EXOSC7: variants seen among roughly 807,000 people sequenced by gnomAD.
EXOSC7 encodes the protein exosome component 7, also known as exosome complex component RRP42.
Under a neutral mutation model 34.3 loss-of-function variants are expected in EXOSC7, and 25 were observed. The observed-to-expected ratio is 0.73, with a 90% CI of 0.53 to 1.02. The LOEUF is 1.02. Among genes scored for constraint, EXOSC7 ranks in the 50% least tolerant of loss-of-function variants. The probability of loss-of-function intolerance (pLI) is 0.00; values close to 1 mark genes in which losing one functional copy is unlikely to be tolerated. For missense variants in EXOSC7, 370 were observed against 368.5 expected (o/e 1.00, Z -0.03); for synonymous variants, 130 against 143.0 (o/e 0.91, Z 0.65).
At chr3:44,977,766 A>T (rs1706139429) in intron 1 of EXOSC7, among the ~76,000 whole-genome samples, 1 of 152,122 alleles carries the variant, frequency 6.6e-6, no homozygotes, top group African/African-American at 2.4e-5. Context: ...AAATTTAAAA[A>T]CCTTTGGTCT....
rs1452916606 is a variant in EXOSC7, at chr3:45,011,416, T to C, written c.*77T>C. On this transcript the variant is annotated 3_prime_UTR_variant, in exon 8 of 8. Coordinates refer to ENST00000265564, the MANE Select transcript of EXOSC7 (RefSeq NM_015004.4). Reference sequence around the variant, plus strand: ...CCGGTTCGTATATATTTTTCTTCGCTGTTACGAATTTACAGCAGCATTTGT... The same window carrying C: ...CCGGTTCGTATATATTTTTCTTCGCCGTTACGAATTTACAGCAGCATTTGT... 2 of 924,352 alleles carry C rather than the reference T, an allele frequency of 2.2e-6. No homozygotes were observed. Among genetic ancestry groups the C allele is most frequent in the African/African-American group, 3.4e-5 (2 of 59,188 alleles). 57.3% of individuals were successfully genotyped at this position (924,352 alleles called of 1,614,324 possible). A position where few individuals can be genotyped will look rare whatever the true frequency, so the allele number is the denominator to read the frequency against.
intron 4 of EXOSC7, among the ~76,000 whole-genome samples, chr3:45,000,043 C>G (rs1417544133): frequency 6.6e-6 from 1 of 152,170 alleles, no homozygotes; most frequent in Non-Finnish European, 1.5e-5. Flanking sequence ...CCACCTGTTT[C>G]CAGTATTGGT....
chr3:44,997,694 G>C (rs1412662388), intron 4 of EXOSC7, among the ~76,000 whole-genome samples: 1 of 152,208 alleles, frequency 6.6e-6, no homozygotes, highest in Non-Finnish European at 1.5e-5. Context: ...TATAAGTGAG[G>C]AAACTAAGAC....
chr3:44,994,495 G>A (rs973713399), intron 3 of EXOSC7, among the ~76,000 whole-genome samples: 5 of 151,964 alleles, frequency 3.3e-5, no homozygotes, highest in Non-Finnish European at 5.9e-5. Flanking sequence ...GACCCCTATA[G>A]CCATTTGGGT....
At chr3:45,009,143 C>T (rs1707135597) in intron 7 of EXOSC7, among the ~76,000 whole-genome samples, 1 of 152,216 alleles carries the variant, frequency 6.6e-6, no homozygotes, top group African/African-American at 2.4e-5. Flanking sequence ...ACCAGATCTG[C>T]CCTGGCTGTC....
At chr3:45,007,615 G>A (rs551002419) in intron 7 of EXOSC7, 40 bp downstream of exon 7, 9 of 1,539,008 alleles carry the variant, frequency 5.8e-6, no homozygotes, top group East Asian at 4.6e-5. Flanking sequence ...GGACCTGGCC[G>A]GGGTGCCTGC....
intron 1 of EXOSC7, among the ~76,000 whole-genome samples, chr3:44,985,057 C>A (rs145535371): frequency 6.6e-6 from 1 of 152,340 alleles, no homozygotes; most frequent in African/African-American, 2.4e-5. Flanking sequence ...CAAAGAACTT[C>A]TTGTCAATAA....
chr3:44,986,224 A>AGGGGGGGGGGGGGG (rs1706409978), intron 1 of EXOSC7, among the ~76,000 whole-genome samples: 1 of 115,740 alleles, frequency 8.6e-6, no homozygotes, highest in Non-Finnish European at 2.0e-5. Context: ...TGGGGGTGGG[A>AGGGGGGGGGGGGGG]GGGCGGGGAG....
chr3:44,984,482 G>A (rs2125962690), intron 1 of EXOSC7, among the ~76,000 whole-genome samples: 1 of 150,616 alleles, frequency 6.6e-6, no homozygotes, highest in South Asian at 2.1e-4. Context: ...AAAAAAAAAA[G>A]GAAGAAGCAG....
rs756859234 is a variant in EXOSC7 at position 45,011,421 on chromosome 3, C to T, written c.*82C>T. On this transcript the variant is annotated 3_prime_UTR_variant, in exon 8 of 8. Coordinates refer to ENST00000265564, the MANE Select transcript of EXOSC7 (RefSeq NM_015004.4). ...TCGTATATATTTTTCTTCGCTGTTA[C>T]GAATTTACAGCAGCATTTGTACATG... The T allele has an allele frequency of 2.0e-5, 17 of 854,492 alleles. No homozygotes were observed. Among genetic ancestry groups the T allele is most frequent in the Admixed American group, 1.6e-4 (7 of 43,234 alleles). 52.9% of individuals were successfully genotyped at this position (854,492 alleles called of 1,614,324 possible).
intron 1 of EXOSC7, among the ~76,000 whole-genome samples, chr3:44,982,885 A>G (rs1199671211): frequency 6.6e-6 from 1 of 152,068 alleles, no homozygotes; most frequent in Non-Finnish European, 1.5e-5. Flanking sequence ...AAGGATCAAC[A>G]CCTACTTTTG....
intron 5 of EXOSC7, among the ~76,000 whole-genome samples, chr3:45,003,342 CGTGCGTGCGT>C (rs1427699985): frequency 2.5e-5 from 2 of 80,280 alleles, no homozygotes; most frequent in African/African-American, 7.2e-5. Context: ...TGCGTGCGTG[CGTGCGTGCGT>C]GTGTGTGTGT....
At chr3:44,999,362 T>C (rs1181247161) in intron 4 of EXOSC7, among the ~76,000 whole-genome samples, 1 of 152,228 alleles carries the variant, frequency 6.6e-6, no homozygotes, top group Non-Finnish European at 1.5e-5. Flanking sequence ...AGGGTTTTGC[T>C]TATTTTGGAA....
intron 1 of EXOSC7, among the ~76,000 whole-genome samples, chr3:44,979,101 A>T (rs943173344): frequency 6.6e-6 from 1 of 152,244 alleles, no homozygotes; most frequent in Admixed American, 6.5e-5. Context: ...CAACGTCTTC[A>T]TAAGGGCTTA....
At chr3:44,992,785 C>A (rs1453606837) in intron 3 of EXOSC7, among the ~76,000 whole-genome samples, 1 of 152,226 alleles carries the variant, frequency 6.6e-6, no homozygotes, top group Non-Finnish European at 1.5e-5. Context: ...GGCGAGCCAT[C>A]AAGTTGCTTC....
chr3:45,001,726 C>A, intron 5 of EXOSC7, 118 bp downstream of exon 5: 1 of 746,822 alleles, frequency 1.3e-6, no homozygotes, highest in East Asian at 2.5e-5. Flanking sequence ...GGGGTTTTAA[C>A]ATTGAAAATG....
In EXOSC7 at chr3:45,008,124, C is replaced by T. The variant is rs940519442; in HGVS notation, c.771+549C>T. On this transcript the variant is annotated intron_variant, in intron 7 of 7. Transcript: ENST00000265564. ...TAGCAGAGCCATCAAGGCGCTTCTACAGTTCTCTGTACTGTTTGCCCCACA... is the reference window on the plus strand; with the variant it reads ...TAGCAGAGCCATCAAGGCGCTTCTATAGTTCTCTGTACTGTTTGCCCCACA... Among the ~76,000 whole-genome samples the T allele has an allele frequency of 6.6e-5, 10 of 152,342 alleles. No homozygotes were observed. In the South Asian group the frequency reaches 1.0e-3, roughly 16 times the overall value.
chr3:44,981,447 C>G (rs1706266686), intron 1 of EXOSC7, among the ~76,000 whole-genome samples: 1 of 152,090 alleles, frequency 6.6e-6, no homozygotes, highest in Admixed American at 6.6e-5. Flanking sequence ...GTGGTTAACA[C>G]AGAAAAAATG....
chr3:45,011,917 C>T (rs375922003), downstream of EXOSC7, among the ~76,000 whole-genome samples: 21 of 152,198 alleles, frequency 1.4e-4, no homozygotes, highest in African/African-American at 4.8e-4. Context: ...CCTTAGCCAT[C>T]CTTTCTTATC....
Sources: gnomAD v4.1 joint callset for allele counts (sites outside exome capture counted in the v4.1 genomes callset) on GRCh38, gnomAD v4.1.1 for gene constraint, MANE v1.5 for transcripts, NCBI Gene and HGNC (gene_info 2026-07-23, HGNC 2026-07-21) for gene names.